Variants in SGIP1 observed in about 807,000 individuals in gnomAD.
SGIP1 encodes SH3GL interacting endocytic adaptor 1.
Under a neutral mutation model 107.5 loss-of-function variants are expected in SGIP1, and 38 were observed. The observed-to-expected ratio is 0.35, with a 90% CI of 0.27 to 0.46. SGIP1 has a LOEUF of 0.46. Among genes scored for constraint, SGIP1 ranks in the 20% least tolerant of loss-of-function variants. SGIP1 has a pLI of 1.00. For missense variants in SGIP1, 929 were observed against 1,019.5 expected (o/e 0.91, Z 1.21); for synonymous variants, 365 against 366.1 (o/e 1.00, Z 0.03).
At chr1:66,664,959 T>TTTG (rs543561544) in intron 8 of SGIP1, among the ~76,000 whole-genome samples, 165 of 152,072 alleles carry the variant, frequency 1.1e-3, no homozygotes, top group African/African-American at 2.1e-3. Context: ...TTGTTGTGCT[T>TTTG]TTGTTGTTGT....
intron 1 of SGIP1, among the ~76,000 whole-genome samples, chr1:66,618,275 T>C (rs2069957930): frequency 6.6e-6 from 1 of 152,224 alleles, no homozygotes; most frequent in African/African-American, 2.4e-5. Context: ...TGTACTCAGA[T>C]TGGTCCATCT....
chr1:66,661,685 C>T (rs1423515721), intron 8 of SGIP1, among the ~76,000 whole-genome samples: 1 of 152,160 alleles, frequency 6.6e-6, no homozygotes, highest in Non-Finnish European at 1.5e-5. Context: ...TTTTCTTACC[C>T]TTTACCAATT....
intron 7 of SGIP1, among the ~76,000 whole-genome samples, chr1:66,658,545 T>A (rs2080244781): frequency 6.6e-6 from 1 of 152,176 alleles, no homozygotes. Flanking sequence ...CAAAAGACAC[T>A]GTGCTTCAAA....
At chr1:66,739,249 C>A in intron 21 of SGIP1, 86 bp from the exon 22 acceptor site, 2 of 1,431,732 alleles carry the variant, frequency 1.4e-6, no homozygotes, top group South Asian at 1.3e-5. Flanking sequence ...TGCTTGTGAG[C>A]AGCATAAACA....
chr1:66,624,270 T>C (rs1485043348), intron 1 of SGIP1, among the ~76,000 whole-genome samples: 3 of 152,200 alleles, frequency 2.0e-5, no homozygotes, highest in African/African-American at 4.8e-5. Context: ...TATGTAACTA[T>C]GATACTTTGT....
At chr1:66,671,541 A>G (rs1441062932) in intron 10 of SGIP1, among the ~76,000 whole-genome samples, 4 of 152,208 alleles carry the variant, frequency 2.6e-5, no homozygotes, top group African/African-American at 9.6e-5. Flanking sequence ...TTTTCTTGGC[A>G]TTTCAAGAAA....
chr1:66,601,207 CA>C (rs913531343), intron 1 of SGIP1, among the ~76,000 whole-genome samples: 2 of 151,636 alleles, frequency 1.3e-5, no homozygotes, highest in African/African-American at 2.4e-5. Context: ...GCTAAAAATA[CA>C]AAAAAAATTA....
intron 1 of SGIP1, among the ~76,000 whole-genome samples, chr1:66,549,193 T>TCCTTC (rs1553204044): frequency 1.3e-5 from 2 of 148,686 alleles, no homozygotes; most frequent in African/African-American, 5.0e-5. Flanking sequence ...CTTCCTTCCT[T>TCCTTC]CCTTCCCTTC....
chr1:66,729,063 T>C (rs1433795951), intron 19 of SGIP1, among the ~76,000 whole-genome samples: 1 of 151,876 alleles, frequency 6.6e-6, no homozygotes, highest in African/African-American at 2.4e-5. Flanking sequence ...AAGTCACATG[T>C]TTACCTATAT....
intron 18 of SGIP1, among the ~76,000 whole-genome samples, chr1:66,708,861 C>T (rs938191606): frequency 3.3e-5 from 5 of 152,104 alleles, no homozygotes; most frequent in Admixed American, 2.6e-4. Context: ...CTGGAAATAA[C>T]TCTAATCCTA....
At position 66,729,513 on chromosome 1, in the gene SGIP1, A is replaced by C. The variant is rs920157904; in HGVS notation, c.1898+94A>C. On this transcript the variant is annotated intron_variant, in intron 20 of 24. Coordinates refer to ENST00000371037, the MANE Select transcript of SGIP1 (RefSeq NM_032291.4). ...TATATCTTAGCAACAGGGTCGCACT[A>C]TAGTGAAATTACCACCACTCAGATA... The C allele has an allele frequency of 8.4e-6, 12 of 1,434,954 alleles. No homozygotes were observed. In the Admixed American group the frequency reaches 1.8e-4, roughly 22 times the overall value. 88.9% of individuals were successfully genotyped at this position (1,434,954 alleles called of 1,614,324 possible). A position where few individuals can be genotyped will look rare whatever the true frequency, so the allele number is the denominator to read the frequency against.
intron 1 of SGIP1, among the ~76,000 whole-genome samples, chr1:66,580,033 CAT>C (rs2061600884): frequency 6.6e-6 from 1 of 152,146 alleles, no homozygotes; most frequent in Non-Finnish European, 1.5e-5. Context: ...AATATACACA[CAT>C]ATGTTTATTT....
At chr1:66,631,681 T>TTCTCTCTCTCTCTCTCTCTCTCTCTC (rs71058468) in intron 2 of SGIP1, among the ~76,000 whole-genome samples, 22 of 132,158 alleles carry the variant, frequency 1.7e-4, no homozygotes, top group African/African-American at 3.4e-4. Flanking sequence ...CTCTCTCTCT[T>TTCTCTCTCTCTCTCTCTCTCTCTCTC]TCTCTCTCTC....
At position 66,676,995 on chromosome 1, in the gene SGIP1, T is replaced by C; in HGVS notation, c.647-9T>C. ...ACTCACCCTGGGAAATCTTCTTTTT[T>C]GTTTCCAGTTCTTTTAGATCAGCCT... is the stretch of plus-strand genomic sequence containing the variant. On this transcript the variant is annotated splice_polypyrimidine_tract_variant and intron_variant, in intron 12 of 24. Coordinates refer to ENST00000371037, the MANE Select transcript of SGIP1 (RefSeq NM_032291.4). The C allele has an allele frequency of 6.3e-7, 1 of 1,596,722 alleles. No homozygotes were observed. The highest frequency in any genetic ancestry group is 2.2e-5 in the East Asian group (1 of 44,798).
chr1:66,536,230 T>G (rs1159157146), intron 1 of SGIP1, among the ~76,000 whole-genome samples: 1 of 96,998 alleles, frequency 1.0e-5, no homozygotes, highest in East Asian at 5.4e-4. Context: ...AATGTTATCT[T>G]AGCACTGGTA....
Position 66,750,320 on chromosome 1 carries a change from C to G in SGIP1, c.*7225C>G, listed in dbSNP as rs2094608046. On this transcript the variant is annotated 3_prime_UTR_variant, in exon 25 of 25. Coordinates refer to ENST00000371037, the MANE Select transcript of SGIP1 (RefSeq NM_032291.4). ...AATTAAATACTCGGATATTAATTTT[C>G]ATTCTTACTAAGTGGCCATGTAAGG... Among the ~76,000 whole-genome samples the G allele has an allele frequency of 6.6e-6, 1 of 152,046 alleles. No individual in the cohort carries two copies. The highest frequency in any genetic ancestry group is 1.5e-5 in the Non-Finnish European group (1 of 67,980).
chr1:66,537,418 A>ATAT lies in SGIP1; in HGVS notation c.10+3059_10+3061dup, dbSNP rs2053879558. On this transcript the variant is annotated intron_variant, in intron 1 of 24. Coordinates refer to ENST00000371037, the MANE Select transcript of SGIP1 (RefSeq NM_032291.4). Reference sequence around the variant, plus strand: ...AACTATTCAAGGACTATTTTTTGATATATTATTATTAAAGTTTGAAAATGG... The same window carrying ATAT: ...AACTATTCAAGGACTATTTTTTGATATATTATTATTATTAAAGTTTGAAAATGG... Among the ~76,000 whole-genome samples the ATAT allele has an allele frequency of 2.6e-5, 4 of 152,252 alleles. No homozygotes were observed. In the South Asian group the frequency reaches 8.3e-4, roughly 32 times the overall value.
chr1:66,571,403 T>C (rs1165459753), intron 1 of SGIP1, among the ~76,000 whole-genome samples: 4 of 151,974 alleles, frequency 2.6e-5, no homozygotes, highest in Non-Finnish European at 5.9e-5. Context: ...GACATATGAA[T>C]GTAGACCTGA....
intron 1 of SGIP1, among the ~76,000 whole-genome samples, chr1:66,571,249 T>C (rs2060337475): frequency 6.6e-6 from 1 of 151,866 alleles, no homozygotes; most frequent in Admixed American, 6.6e-5. Context: ...TTACATCAGG[T>C]TTCTCCAGTA....
Sources: allele counts gnomAD v4.1 joint callset (sites outside exome capture counted in the v4.1 genomes callset), GRCh38; gene constraint gnomAD v4.1.1; transcripts MANE v1.5; gene names NCBI Gene and HGNC (gene_info 2026-07-23, HGNC 2026-07-21).